FOXO3B: variants seen among roughly 807,000 people sequenced by gnomAD.
FOXO3B encodes the protein forkhead box protein O3B.
FOXO3B carries 15 observed loss-of-function variants against 21.9 expected under a neutral mutation model. The ratio of observed to expected loss-of-function variants is 0.68; its 90% CI spans 0.46 to 1.05. FOXO3B has a LOEUF of 1.05. Among genes scored for constraint, FOXO3B ranks in the 50% least tolerant of loss-of-function variants. The pLI is 0.00. For synonymous variants in FOXO3B, 135 were observed against 213.6 expected (o/e 0.63, Z 3.21); for missense variants, 293 against 435.5 (o/e 0.67, Z 2.91).
rs61684359 is a variant in FOXO3B, at chr17:18,674,639, A to AAAGGGG, written c.127-1585_127-1584insCCCCTT. On this transcript the variant is annotated intron_variant, in intron 3 of 3. Transcript: ENST00000395675. ...AGACTCCATCTCAAAAAAAAAAAAA[A>AAAGGGG]GGGGGGGGGGAGATTACAGACAAAT... Among the ~76,000 whole-genome samples, 99 of 121,396 alleles carry AAAGGGG rather than the reference A, an allele frequency of 8.2e-4. 3 individuals carry two copies. The highest frequency in any genetic ancestry group is 3.3e-3 in the African/African-American group (93 of 28,510). The allele number at this position is 121,396 out of a possible 152,430, so 79.6% of individuals were successfully genotyped here. A position where few individuals can be genotyped will look rare whatever the true frequency, so the allele number is the denominator to read the frequency against.
intron 3 of FOXO3B, among the ~76,000 whole-genome samples, chr17:18,673,450 TTC>T (rs1282387979): frequency 7.2e-5 from 11 of 152,312 alleles, no homozygotes; most frequent in Admixed American, 5.2e-4. Flanking sequence ...CTTGAAATTT[TTC>T]TGTTTTAACT....
At position 18,674,625 on chromosome 17, in the gene FOXO3B, C is replaced by CAA. The variant is rs1191825847; in HGVS notation, c.127-1572_127-1571dup. 7.9e-3 allele frequency among the ~76,000 whole-genome samples: 400 copies of CAA among 50,468 alleles called. 9 individuals are homozygous for CAA. The highest frequency in any genetic ancestry group is 0.038 in the African/African-American group (359 of 9,410). The allele number at this position is 50,468 out of a possible 152,430, so 33.1% of individuals were successfully genotyped here. On this transcript the variant is annotated intron_variant, in intron 3 of 3. Transcript: ENST00000395675. ...TGGGAAACAAAGCGAGACTCCATCT[C>CAA]AAAAAAAAAAAAAAGGGGGGGGGGA... is the stretch of plus-strand genomic sequence containing the variant.
rs773351207 is a variant in FOXO3B at position 18,680,830 on chromosome 17, C to G, written c.38-1G>C. 2 of 1,595,694 alleles carry G rather than the reference C, an allele frequency of 1.3e-6. No homozygotes were observed. The highest frequency in any genetic ancestry group is 2.8e-5 in the African/African-American group (2 of 71,576). On this transcript the variant is annotated splice_acceptor_variant, in intron 2 of 3. Transcript: ENST00000395675. LOFTEE classifies it high-confidence loss of function. ...TGGGGAGAATCCTGGGAAGACAGAACTAACGACAAGAAAGCAGTAATGATG... is the reference window on the plus strand; with the variant it reads ...TGGGGAGAATCCTGGGAAGACAGAAGTAACGACAAGAAAGCAGTAATGATG...
At chr17:18,678,928 A>G (rs529305280) in intron 3 of FOXO3B, among the ~76,000 whole-genome samples, 1 of 151,992 alleles carries the variant, frequency 6.6e-6, no homozygotes, top group African/African-American at 2.4e-5. Flanking sequence ...GAATGGGCCT[A>G]ATACCCCATT....
At position 18,682,199 on chromosome 17, in the gene FOXO3B, C is replaced by T; in HGVS notation, c.-196+5G>A. The T allele has an allele frequency of 2.9e-6, 2 of 686,318 alleles. No individual in the cohort carries two copies. The highest frequency in any genetic ancestry group is 5.3e-6 in the Non-Finnish European group (2 of 375,598). 42.5% of individuals were successfully genotyped at this position (686,318 alleles called of 1,614,324 possible). On this transcript the variant is annotated splice_donor_5th_base_variant and intron_variant, in intron 1 of 3. Transcript: ENST00000395675. ...AGACGAGAGACATCACCACAAGCAA[C>T]TCACCTCCCATCCCGGGCCTCACAA...
In FOXO3B at chr17:18,671,739, A is replaced by C; in HGVS notation, c.*570T>G. 6.2e-7 allele frequency: 1 copy of C among 1,613,576 alleles called. No homozygotes were observed. The highest frequency in any genetic ancestry group is 8.5e-7 in the Non-Finnish European group (1 of 1,179,916). On this transcript the variant is annotated 3_prime_UTR_variant, in exon 4 of 4. Transcript: ENST00000395675. Reference sequence around the variant, plus strand: ...AGTGGGCGATGGCTGGGATGGCGGGAGCGTGATGTTATCCAGCAGGTCGTC... The same window carrying C: ...AGTGGGCGATGGCTGGGATGGCGGGCGCGTGATGTTATCCAGCAGGTCGTC...
chr17:18,681,311 G>A, intron 2 of FOXO3B: 1 of 400,840 alleles, frequency 2.5e-6, no homozygotes. Context: ...TAACTACTAC[G>A]CCTGTTTTCT....
chr17:18,671,928 C>T lies in FOXO3B; in HGVS notation c.*381G>A. ...GCGCATCGTCGTCCTGGACTTCATC[C>T]AACTCTGTGCTTGCCATGATGGGCG... is the stretch of plus-strand genomic sequence containing the variant. On this transcript the variant is annotated 3_prime_UTR_variant, in exon 4 of 4. Transcript: ENST00000395675. The T allele has an allele frequency of 6.2e-7, 1 of 1,613,646 alleles. No homozygotes were observed. The highest frequency in any genetic ancestry group is 1.1e-5 in the South Asian group (1 of 91,042).
At position 18,672,358 on chromosome 17, in the gene FOXO3B, C is replaced by T; in HGVS notation, c.824G>A (p.Cys275Tyr). The T allele has an allele frequency of 1.9e-6, 3 of 1,611,876 alleles. No individual in the cohort carries two copies. The highest frequency in any genetic ancestry group is 2.5e-6 in the Non-Finnish European group (3 of 1,178,914). The change falls in exon 4 of 4, where the codon TGC becomes TAC. Residue 275 changes from cysteine to tyrosine, a missense_variant. Coordinates refer to ENST00000395675, the MANE Select transcript of FOXO3B (RefSeq NM_001368135.1). The surrounding 1 kb of genome is among the most constrained non-coding windows in gnomAD (Gnocchi z 4.2). ...LSQIYEWMVS[C>Y]VPYFKDKGNS... ...GCCCTTATCCTTGAAGTAGGGCACG[C>T]AACTCACCATCCACTCGTAGATCTG...
Position 18,672,747 on chromosome 17 carries a change from C to T in FOXO3B, c.435G>A (p.Glu145=). 1 of 1,537,788 alleles carries T rather than the reference C, an allele frequency of 6.5e-7. No homozygotes were observed. Among genetic ancestry groups the T allele is most frequent in the Non-Finnish European group, 8.8e-7 (1 of 1,140,862 alleles). The change falls in exon 4 of 4, where the codon GAG becomes GAA. Residue 145 remains glutamate (E), a synonymous_variant. Coordinates refer to ENST00000395675, the MANE Select transcript of FOXO3B (RefSeq NM_001368135.1). The surrounding 1 kb of genome is among the most constrained non-coding windows in gnomAD (Gnocchi z 4.2). ...CGTCCTCGTCGTCTTCATCGTCCTC[C>T]TCCTCGGGGATCATGGAGTCGGCGG... The part of the protein sequence containing the change: ...ETAADSMIPE[E]EDDEDDEDGG...
chr17:18,677,751 C>T (rs1260279753), intron 3 of FOXO3B: 2 of 1,515,454 alleles, frequency 1.3e-6, no homozygotes, highest in East Asian at 2.2e-5. Context: ...GGCGCTACGG[C>T]GGCTGTAGTG....
At chr17:18,680,704 A>G in intron 3 of FOXO3B, 37 bp downstream of exon 3, 1 of 1,607,526 alleles carries the variant, frequency 6.2e-7, no homozygotes, top group East Asian at 2.2e-5. Flanking sequence ...ACTCTAAGAA[A>G]CAAGGTGTAA....
At chr17:18,677,424 G>T (rs753516767) in intron 3 of FOXO3B, 3 of 1,614,114 alleles carry the variant, frequency 1.9e-6, no homozygotes, top group Non-Finnish European at 2.5e-6. Flanking sequence ...CATCCGACAC[G>T]TACTGCTGAC....
rs1263626613 is a variant in FOXO3B, at chr17:18,674,461, T to TA, written c.127-1407dup. 1.3e-4 allele frequency among the ~76,000 whole-genome samples: 19 copies of TA among 148,580 alleles called. No homozygotes were observed. In the South Asian group the frequency reaches 1.3e-3, roughly 10 times the overall value. On this transcript the variant is annotated intron_variant, in intron 3 of 3. Transcript: ENST00000395675. ...TAACACGGTGAAACCCCATCTCTAC[T>TA]AAAAATACAAAAAAATTAGCCGGGT...
rs1351433321 is a variant in FOXO3B at position 18,672,948 on chromosome 17, G to T, written c.234C>A (p.Ala78=). 2.0e-6 allele frequency: 3 copies of T among 1,526,422 alleles called. No homozygotes were observed. Among genetic ancestry groups the T allele is most frequent in the Non-Finnish European group, 2.6e-6 (3 of 1,139,300 alleles). The allele number at this position is 1,526,422 out of a possible 1,614,324, so 94.6% of individuals were successfully genotyped here. A position where few individuals can be genotyped will look rare whatever the true frequency, so the allele number is the denominator to read the frequency against. Residue 78 remains alanine (A), a synonymous_variant, in exon 4 of 4, where the codon GCC becomes GCA. Coordinates refer to ENST00000395675, the MANE Select transcript of FOXO3B (RefSeq NM_001368135.1). The surrounding 1 kb of genome is among the most constrained non-coding windows in gnomAD (Gnocchi z 4.2). ...PAREESARTP[A]AAGRAAKMAE... ...CCATCTTCGCCGCCCGCCCGGCCGC[G>T]GCTGGGGTTCTCGCGCTCTCCTCTC...
chr17:18,671,256 A>C lies in FOXO3B; in HGVS notation c.*1053T>G. ...AAGGCTGCTGGACTCACTCAAGCCCATGTTGCTGACAGAATTCGACAAGGC... is the reference window on the plus strand; with the variant it reads ...AAGGCTGCTGGACTCACTCAAGCCCCTGTTGCTGACAGAATTCGACAAGGC... On this transcript the variant is annotated 3_prime_UTR_variant, in exon 4 of 4. Coordinates refer to ENST00000395675, the MANE Select transcript of FOXO3B (RefSeq NM_001368135.1). 2 of 1,305,714 alleles carry C rather than the reference A, an allele frequency of 1.5e-6. No homozygotes were observed. Among genetic ancestry groups the C allele is most frequent in the South Asian group, 2.4e-5 (2 of 84,304 alleles). The allele number at this position is 1,305,714 out of a possible 1,614,324, so 80.9% of individuals were successfully genotyped here. A position where few individuals can be genotyped will look rare whatever the true frequency, so the allele number is the denominator to read the frequency against.
intron 3 of FOXO3B, chr17:18,677,535 C>T: frequency 5.0e-6 from 8 of 1,610,970 alleles, no homozygotes; most frequent in South Asian, 1.1e-5. Context: ...GGCTCGGGCC[C>T]GTCTGCTCAC....
chr17:18,674,391 C>T (rs547640807), intron 3 of FOXO3B, among the ~76,000 whole-genome samples: 2 of 150,122 alleles, frequency 1.3e-5, no homozygotes, highest in Admixed American at 6.7e-5. Context: ...TTTGGGAGGC[C>T]AAGGAGGGCG....
At chr17:18,678,157 GA>G (rs2032527543) in intron 3 of FOXO3B, among the ~76,000 whole-genome samples, 1 of 151,940 alleles carries the variant, frequency 6.6e-6, no homozygotes, top group South Asian at 2.1e-4. Flanking sequence ...TACAAAAGAG[GA>G]AACAATAAAG....
Sources: allele counts gnomAD v4.1 joint callset (sites outside exome capture counted in the v4.1 genomes callset), GRCh38; gene constraint gnomAD v4.1.1; non-coding constraint Gnocchi (gnomAD v3.1); transcripts MANE v1.5; gene names NCBI Gene and HGNC (gene_info 2026-07-23, HGNC 2026-07-21).